Variants in SLC25A26 observed in about 807,000 individuals in gnomAD.
The protein encoded by SLC25A26 is solute carrier family 25 member 26.
SLC25A26 carries 36 observed loss-of-function variants against 37.8 expected under a neutral mutation model. The observed-to-expected ratio is 0.95, with a 90% confidence interval of 0.73 to 1.26. The LOEUF (loss-of-function observed/expected upper bound fraction) is 1.26, where lower values mean the gene tolerates loss of function less well. Among genes scored for constraint, SLC25A26 ranks in the 50% most tolerant of loss-of-function variants. The probability of loss-of-function intolerance (pLI) is 0.00; values close to 1 mark genes in which losing one functional copy is unlikely to be tolerated. For missense variants in SLC25A26, 390 were observed against 331.1 expected (o/e 1.18, Z -1.38); for synonymous variants, 129 against 122.5 (o/e 1.05, Z -0.35).
chr3:66,159,997 A>G (rs947272219), intron 1 of SLC25A26, among the ~76,000 whole-genome samples: 6 of 152,040 alleles, frequency 3.9e-5, no homozygotes, highest in Non-Finnish European at 1.5e-5. Context: ...TAAAATACTA[A>G]TAATGAATCT....
At chr3:66,332,999 A>G (rs1375742234) in intron 5 of SLC25A26, among the ~76,000 whole-genome samples, 1 of 152,014 alleles carries the variant, frequency 6.6e-6, no homozygotes, top group Non-Finnish European at 1.5e-5. Flanking sequence ...CTTTTCTCTT[A>G]GTATTTTGCT....
intron 1 of SLC25A26, among the ~76,000 whole-genome samples, chr3:66,143,060 C>G (rs1274673361): frequency 6.6e-6 from 1 of 152,134 alleles, no homozygotes; most frequent in East Asian, 1.9e-4. Flanking sequence ...GCCACTGTGC[C>G]CAGCCTAAGC....
At chr3:66,366,548 C>G (rs1399055643) in intron 7 of SLC25A26, among the ~76,000 whole-genome samples, 1 of 152,154 alleles carries the variant, frequency 6.6e-6, no homozygotes, top group African/African-American at 2.4e-5. Flanking sequence ...CTGTCTGTAA[C>G]TTTTCTTCAT....
chr3:66,273,601 C>T (rs539564905), intron 5 of SLC25A26, among the ~76,000 whole-genome samples: 2 of 152,222 alleles, frequency 1.3e-5, no homozygotes, highest in South Asian at 2.1e-4. Flanking sequence ...CATTCTTATA[C>T]ACCAATAATA....
At chr3:66,202,079 A>G (rs2071118469) in intron 1 of SLC25A26, among the ~76,000 whole-genome samples, 1 of 152,182 alleles carries the variant, frequency 6.6e-6, no homozygotes, top group East Asian at 1.9e-4. Context: ...TTATTGCAGC[A>G]CTATTTACAA....
intron 1 of SLC25A26, among the ~76,000 whole-genome samples, chr3:66,171,555 T>G (rs1391962302): frequency 6.6e-6 from 1 of 152,152 alleles, no homozygotes; most frequent in Non-Finnish European, 1.5e-5. Flanking sequence ...AGTGGTGCAA[T>G]CTTTGCTCAC....
chr3:66,264,765 C>T (rs2073678135), intron 5 of SLC25A26, among the ~76,000 whole-genome samples: 2 of 152,116 alleles, frequency 1.3e-5, no homozygotes, highest in African/African-American at 4.8e-5. Flanking sequence ...GTGGATGTCT[C>T]AGAAGTCTGT....
rs562406308 is a variant in SLC25A26, at chr3:66,164,433, CTGATA to C, written c.-354+30451_-354+30455del. On this transcript the variant is annotated intron_variant, in intron 1 of 10. Transcript: ENST00000676754. ...GGATGAAAGGCATAAGGGATCTCTT[CTGATA>C]TATCAGTTTTTTTTTTAATGAGGGA... Among the ~76,000 whole-genome samples, 296 of 152,184 alleles carry C rather than the reference CTGATA, an allele frequency of 1.9e-3. 2 individuals carry two copies. Among genetic ancestry groups the C allele is most frequent in the African/African-American group, 6.8e-3 (283 of 41,530 alleles).
At chr3:66,238,836 G>C (rs545512575) in intron 2 of SLC25A26, among the ~76,000 whole-genome samples, 2 of 152,082 alleles carry the variant, frequency 1.3e-5, no homozygotes, top group Admixed American at 1.3e-4. Flanking sequence ...TTGGTGTCTC[G>C]GGTGGCAGAG....
At chr3:66,240,020 T>C (rs191083777) in intron 2 of SLC25A26, among the ~76,000 whole-genome samples, 1 of 152,100 alleles carries the variant, frequency 6.6e-6, no homozygotes, top group African/African-American at 2.4e-5. Flanking sequence ...GCACTTCATC[T>C]GGGTCCTGTG....
chr3:66,244,694 C>T (rs868927013), intron 3 of SLC25A26, among the ~76,000 whole-genome samples: 5 of 152,006 alleles, frequency 3.3e-5, no homozygotes, highest in Non-Finnish European at 7.4e-5. Context: ...AACTCTTGGC[C>T]GGGCACGGTG....
At chr3:66,217,271 A>G (rs2071375767), upstream of SLC25A26, among the ~76,000 whole-genome samples, 1 of 152,234 alleles carries the variant, frequency 6.6e-6, no homozygotes, top group South Asian at 2.1e-4. Context: ...GAATTACATC[A>G]AAAACTTCCA....
At position 66,204,538 on chromosome 3, in the gene SLC25A26, G is replaced by A. The variant is rs1013161994; in HGVS notation, c.-353-16204G>A. Among the ~76,000 whole-genome samples the A allele has an allele frequency of 2.3e-3, 357 of 152,144 alleles. 1 individual carries two copies. Among genetic ancestry groups the A allele is most frequent in the Non-Finnish European group, 3.9e-3 (262 of 67,988 alleles). ...AAAATGCCAATATCATCAACTCCTGGAGGTTTATCCTTTCGGATTTTCAGT... is the reference window on the plus strand; with the variant it reads ...AAAATGCCAATATCATCAACTCCTGAAGGTTTATCCTTTCGGATTTTCAGT... On this transcript the variant is annotated intron_variant, in intron 1 of 10. Coordinates refer to the SLC25A26 transcript ENST00000676754.
In SLC25A26 at chr3:66,242,544, T is replaced by C. The variant is rs532961341; in HGVS notation, c.191-659T>C. ...TTCAGAAGATGAATTTGTCATTCCT[T>C]TATCTCTTGTGCCTTATCTTTTATC... On this transcript the variant is annotated intron_variant, in intron 2 of 9. Transcript: ENST00000354883. Among the ~76,000 whole-genome samples the C allele has an allele frequency of 4.6e-5, 7 of 152,346 alleles. 1 individual carries two copies. The South Asian group carries it at 1.2e-3, about 27-fold the overall frequency.
chr3:66,147,266 C>T (rs546264171), intron 1 of SLC25A26, among the ~76,000 whole-genome samples: 4 of 151,352 alleles, frequency 2.6e-5, no homozygotes, highest in East Asian at 2.0e-4. Flanking sequence ...TGGGTTCAAG[C>T]GATCCTCCCG....
chr3:66,211,146 A>G (rs2071279578), intron 1 of SLC25A26, among the ~76,000 whole-genome samples: 1 of 152,212 alleles, frequency 6.6e-6, no homozygotes, highest in African/African-American at 2.4e-5. Context: ...CATCTTTTAC[A>G]AGAGATCCTT....
At chr3:66,344,015 C>T (rs954622752) in intron 5 of SLC25A26, among the ~76,000 whole-genome samples, 1 of 152,174 alleles carries the variant, frequency 6.6e-6, no homozygotes, top group African/African-American at 2.4e-5. Context: ...ACAAACTTCT[C>T]TGAGATTCTA....
intron 5 of SLC25A26, among the ~76,000 whole-genome samples, chr3:66,329,011 T>G (rs1320488441): frequency 1.3e-5 from 2 of 152,200 alleles, no homozygotes; most frequent in African/African-American, 4.8e-5. Flanking sequence ...ATGACGTATT[T>G]GTGAAGTATG....
chr3:66,297,536 G>C (rs953821024), intron 5 of SLC25A26, among the ~76,000 whole-genome samples: 2 of 152,112 alleles, frequency 1.3e-5, no homozygotes, highest in African/African-American at 4.8e-5. Flanking sequence ...TCTAGTTGCA[G>C]TTTTGCCACT....
Sources: gnomAD v4.1 joint callset for allele counts (sites outside exome capture counted in the v4.1 genomes callset) on GRCh38, gnomAD v4.1.1 for gene constraint, MANE v1.5 for transcripts, NCBI Gene and HGNC (gene_info 2026-07-23, HGNC 2026-07-21) for gene names.